IFT122: variants seen among roughly 807,000 people sequenced by gnomAD.
The protein encoded by IFT122 is intraflagellar transport 122.
In IFT122, 118 loss-of-function variants were observed where a neutral mutation model predicts 161.6. The observed-to-expected ratio is 0.73, with a 90% CI of 0.63 to 0.85. IFT122 has a LOEUF of 0.85. Ranked by LOEUF, IFT122 falls within the 40% of genes least tolerant of loss-of-function variation. The pLI is 0.00. For synonymous variants in IFT122, 550 were observed against 602.4 expected, an observed-to-expected ratio of 0.91 and a Z score of 1.27; for missense variants, 1,381 against 1,579.6, an observed-to-expected ratio of 0.87 and a Z score of 2.13.
At chr3:129,475,806 C>A (rs990600553) in intron 9 of IFT122, among the ~76,000 whole-genome samples, 2 of 152,030 alleles carry the variant, frequency 1.3e-5, no homozygotes, top group South Asian at 2.1e-4. Context: ...AGAGTGAGAC[C>A]CCATCTTGAA....
chr3:129,506,603 G>C (rs1378558677), intron 22 of IFT122, 54 bp downstream of exon 22: 1 of 1,610,064 alleles, frequency 6.2e-7, no homozygotes, highest in Non-Finnish European at 8.5e-7. Context: ...CTGACACCAA[G>C]ATAAACATCA....
intron 9 of IFT122, 110 bp downstream of exon 9, chr3:129,469,527 G>GCATTTGC: frequency 1.1e-6 from 1 of 876,772 alleles, no homozygotes; most frequent in Non-Finnish European, 1.9e-6. Flanking sequence ...TGCTTATTGA[G>GCATTTGC]CATTTGCTGT....
In IFT122 at chr3:129,477,996, G is replaced by C. The variant is rs1161556158; in HGVS notation, c.1148-20G>C. 1 of 1,606,872 alleles carries C rather than the reference G, an allele frequency of 6.2e-7. No individual in the cohort carries two copies. The highest frequency in any genetic ancestry group is 1.7e-5 in the Admixed American group (1 of 60,004). On this transcript the variant is annotated intron_variant, in intron 11 of 29. Coordinates refer to ENST00000348417, the MANE Select transcript of IFT122 (RefSeq NM_052989.3). ...ACATAACAACCTCTTGCTAGAACTA[G>C]ATATTTTTTTCTTTGACAGTTCGGA...
chr3:129,497,217 A>T (rs1468020558), intron 18 of IFT122, among the ~76,000 whole-genome samples: 1 of 152,192 alleles, frequency 6.6e-6, no homozygotes, highest in East Asian at 1.9e-4. Context: ...GCAGTGAGCC[A>T]AGATCACGCC....
chr3:129,464,483 A>T (rs188407094), intron 6 of IFT122, 152 bp from the exon 7 acceptor site: 74 of 905,424 alleles, frequency 8.2e-5, no homozygotes, highest in Non-Finnish European at 5.5e-6. Flanking sequence ...TGATCCTCTG[A>T]CTTTATGTCA....
chr3:129,517,718 A>G, intron 27 of IFT122, 124 bp downstream of exon 27: 1 of 1,327,032 alleles, frequency 7.5e-7, no homozygotes, highest in Non-Finnish European at 1.1e-6. Flanking sequence ...CTGTGTTCCC[A>G]GAGAGATTGG....
chr3:129,459,321 G>A (rs959170095), intron 4 of IFT122: 11 of 452,050 alleles, frequency 2.4e-5, no homozygotes, highest in Admixed American at 1.4e-4. Context: ...ACAGAGTCTT[G>A]CTCTGTTGCC....
Position 129,492,153 on chromosome 3 carries a change from G to A in IFT122, c.2005G>A (p.Val669Ile). 1 of 1,613,046 alleles carries A rather than the reference G, an allele frequency of 6.2e-7. No homozygotes were observed. The highest frequency in any genetic ancestry group is 1.3e-5 in the African/African-American group (1 of 74,946). ...TTCTTCGCCACAGGCCTTCATCAGA[G>A]TACAAGACCTCCGATATTTAGAGCT... ...FETAKKAFIRVQDLRYLELIS... is the reference protein window; with the variant it reads ...FETAKKAFIRIQDLRYLELIS... The change falls in exon 17 of 30, where the codon GTA becomes ATA. Residue 669 changes from valine to isoleucine, a missense_variant. Physicochemically the swap from Val to Ile is conservative, Grantham distance 29. This residue lies in a region of IFT122 where 496 missense variants were observed against 502.5 expected (regional missense o/e 0.99). Coordinates refer to ENST00000348417, the MANE Select transcript of IFT122 (RefSeq NM_052989.3).
chr3:129,465,153 GT>G (rs2076602140), intron 7 of IFT122, among the ~76,000 whole-genome samples: 14 of 135,566 alleles, frequency 1.0e-4, no homozygotes, highest in African/African-American at 3.6e-4. Context: ...GTGTGTGTGT[GT>G]GTGTGTGGTG....
intron 19 of IFT122, among the ~76,000 whole-genome samples, chr3:129,500,333 C>T (rs2081375111): frequency 6.6e-6 from 1 of 152,218 alleles, no homozygotes; most frequent in South Asian, 2.1e-4. Context: ...CTCACTACAA[C>T]CCAGACGCTG....
At chr3:129,498,385 G>A (rs2081141726) in intron 18 of IFT122, among the ~76,000 whole-genome samples, 1 of 152,208 alleles carries the variant, frequency 6.6e-6, no homozygotes, top group African/African-American at 2.4e-5. Flanking sequence ...TTCCAGCTTC[G>A]TGCTGGCATA....
At chr3:129,473,034 C>T (rs1166649180) in intron 9 of IFT122, among the ~76,000 whole-genome samples, 3 of 152,110 alleles carry the variant, frequency 2.0e-5, no homozygotes, top group Non-Finnish European at 2.9e-5. Context: ...GGCATGGTGG[C>T]TCATGCCTGT....
chr3:129,518,107 G>T (rs2084232230), intron 27 of IFT122, among the ~76,000 whole-genome samples: 1 of 152,244 alleles, frequency 6.6e-6, no homozygotes, highest in East Asian at 1.9e-4. Context: ...TGGCCGCACT[G>T]TCCTCTGGGC....
intron 7 of IFT122, among the ~76,000 whole-genome samples, chr3:129,466,073 T>G (rs977684444): frequency 2.0e-5 from 3 of 152,098 alleles, no homozygotes; most frequent in Non-Finnish European, 4.4e-5. Context: ...CCTCCCAAAG[T>G]GCTGAGATTA....
Position 129,506,487 on chromosome 3 carries a change from G to C in IFT122, c.2729G>C (p.Arg910Thr). The C allele has an allele frequency of 1.2e-6, 2 of 1,614,266 alleles. No individual in the cohort carries two copies. The highest frequency in any genetic ancestry group is 4.5e-5 in the East Asian group (2 of 44,888). ...ACAAACAATGCCGTGGCGGAGAGCA[G>C]GTTTAATGATGCTGCCTATTATTAC... ...QLTNNAVAES[R>T]FNDAAYYYWM... The change falls in exon 22 of 30, where the codon AGG (arginine) becomes ACG (threonine). Residue 910 changes from arginine (R) to threonine (T), a missense_variant. This residue lies in a region of IFT122 where 496 missense variants were observed against 502.5 expected (regional missense o/e 0.99). Coordinates refer to ENST00000348417, the MANE Select transcript of IFT122 (RefSeq NM_052989.3).
intron 3 of IFT122, among the ~76,000 whole-genome samples, chr3:129,454,508 CATATTTGTGTGT>C (rs1225413652): frequency 5.3e-5 from 6 of 112,444 alleles, no homozygotes; most frequent in South Asian, 2.8e-4. Context: ...CCATGGTAGT[CATATTTGTGTGT>C]GTGTGTGTGT....
At chr3:129,454,556 T>TGTGTGTGTGC (rs1023661478) in intron 3 of IFT122, among the ~76,000 whole-genome samples, 11 of 150,188 alleles carry the variant, frequency 7.3e-5, no homozygotes, top group Middle Eastern at 3.4e-3. Flanking sequence ...TGTGTGTGTG[T>TGTGTGTGTGC]GCATGTTTGA....
chr3:129,487,258 CAA>C (rs1226331419), intron 15 of IFT122, among the ~76,000 whole-genome samples: 1 of 152,226 alleles, frequency 6.6e-6, no homozygotes, highest in Non-Finnish European at 1.5e-5. Context: ...TGGCCCAACT[CAA>C]GACTCATTCT....
chr3:129,488,070 A>G (rs2079530800), intron 15 of IFT122, 187 bp from the exon 16 acceptor site: 2 of 831,700 alleles, frequency 2.4e-6, no homozygotes. Context: ...CAGTCATGAG[A>G]GAGGTGCAGG....
Sources: allele counts gnomAD v4.1 joint callset (sites outside exome capture counted in the v4.1 genomes callset), GRCh38; gene constraint gnomAD v4.1.1; regional missense constraint gnomAD v4.1.1; transcripts MANE v1.5; gene names NCBI Gene and HGNC (gene_info 2026-07-23, HGNC 2026-07-21).